Variants in KIF26B observed in about 807,000 individuals in gnomAD.
The protein encoded by KIF26B is kinesin-like protein KIF26B.
KIF26B carries 63 observed loss-of-function variants against 151.2 expected under a neutral mutation model. That is an observed-to-expected ratio of 0.42 (90% CI 0.34 to 0.51). The LOEUF (loss-of-function observed/expected upper bound fraction) is 0.51. KIF26B is among the 20% of genes least tolerant of loss of function. KIF26B has a pLI of 0.07. For missense variants in KIF26B, 2,813 were observed against 2,913.6 expected, an observed-to-expected ratio of 0.97 and a Z score of 0.79; for synonymous variants, 1,357 against 1,262.1, an observed-to-expected ratio of 1.08 and a Z score of -1.59.
rs374006300 is a variant in KIF26B at position 245,162,408 on chromosome 1, C to T, written c.465+5725C>T. 2.5e-3 allele frequency among the ~76,000 whole-genome samples: 250 copies of T among 99,534 alleles called. 1 individual carries two copies. Among genetic ancestry groups the T allele is most frequent in the African/African-American group, 9.7e-3 (226 of 23,394 alleles). The allele number at this position is 99,534 out of a possible 152,430, so 65.3% of individuals were successfully genotyped here. On this transcript the variant is annotated intron_variant, in intron 2 of 14. Coordinates refer to ENST00000407071, the MANE Select transcript of KIF26B (RefSeq NM_018012.4). ...TTTTTTTTTTTTTTTTTTTTTGAGA[C>T]GGAGTCTCGCTCTGTTGCCCAGGCT...
chr1:245,362,111 C>T (rs554572532), intron 2 of KIF26B, among the ~76,000 whole-genome samples: 57 of 149,046 alleles, frequency 3.8e-4, no homozygotes, highest in Middle Eastern at 3.4e-3. Flanking sequence ...GAGAGTCTCG[C>T]GGTGAGAAAT....
intron 4 of KIF26B, among the ~76,000 whole-genome samples, chr1:245,462,880 GAAT>G (rs752204073): frequency 1.4e-4 from 17 of 122,582 alleles, no homozygotes; most frequent in Non-Finnish European, 2.1e-4. Context: ...ATGAATGAAT[GAAT>G]AAGACCTGAA....
At chr1:245,691,201 G>C (rs6701023) in intron 12 of KIF26B, among the ~76,000 whole-genome samples, 90,862 of 152,034 alleles carry the variant, frequency 0.6, 29,151 homozygotes, top group Middle Eastern at 0.74. Flanking sequence ...GGTTACAGTG[G>C]AGTAAAGAGG....
chr1:245,643,762 C>G (rs1249423722), intron 9 of KIF26B, among the ~76,000 whole-genome samples: 1 of 151,996 alleles, frequency 6.6e-6, no homozygotes, highest in Non-Finnish European at 1.5e-5. Flanking sequence ...TGGAATGATA[C>G]TTTTGCTGGG....
At chr1:245,591,652 C>A (rs1159686969) in intron 5 of KIF26B, among the ~76,000 whole-genome samples, 2 of 152,312 alleles carry the variant, frequency 1.3e-5, no homozygotes, top group South Asian at 2.1e-4. Flanking sequence ...GCCTCAGAAT[C>A]CCATTCCCCA....
At chr1:245,639,215 C>T (rs1487219669) in intron 9 of KIF26B, among the ~76,000 whole-genome samples, 3 of 151,700 alleles carry the variant, frequency 2.0e-5, no homozygotes, top group Non-Finnish European at 4.4e-5. Context: ...TTATATGTTT[C>T]CAGGAATTTT....
chr1:245,438,855 T>C (rs928543523), intron 4 of KIF26B, among the ~76,000 whole-genome samples: 2 of 152,044 alleles, frequency 1.3e-5, no homozygotes, highest in Admixed American at 1.3e-4. Flanking sequence ...TAGAAACTAA[T>C]AGAGTGACAG....
intron 7 of KIF26B, among the ~76,000 whole-genome samples, chr1:245,608,488 T>C (rs2043481196): frequency 6.6e-6 from 1 of 152,152 alleles, no homozygotes; most frequent in Admixed American, 6.6e-5. Context: ...CCCTTTCTCT[T>C]GATCTTGATG....
intron 2 of KIF26B, among the ~76,000 whole-genome samples, chr1:245,249,489 ATTTTT>A (rs60378504): frequency 6.3e-5 from 5 of 79,792 alleles, no homozygotes; most frequent in Non-Finnish European, 7.5e-5. Flanking sequence ...GTGTTAATCT[ATTTTT>A]TTTTTTTTTT....
chr1:245,565,736 CT>C (rs1218235524), intron 5 of KIF26B, among the ~76,000 whole-genome samples: 2 of 152,154 alleles, frequency 1.3e-5, no homozygotes, highest in Admixed American at 6.5e-5. Flanking sequence ...ATTTCATTTA[CT>C]TATGTGGCCT....
chr1:245,432,511 C>G (rs990433817), intron 4 of KIF26B, among the ~76,000 whole-genome samples: 1 of 152,138 alleles, frequency 6.6e-6, no homozygotes, highest in Non-Finnish European at 1.5e-5. Flanking sequence ...CTAGCACAAA[C>G]AAAGTAGGGC....
At chr1:245,657,331 G>A (rs1003064345) in intron 10 of KIF26B, among the ~76,000 whole-genome samples, 3 of 152,124 alleles carry the variant, frequency 2.0e-5, no homozygotes, top group South Asian at 2.1e-4. Context: ...CTGAAATCGC[G>A]CGCTGAGAAC....
Position 245,366,982 on chromosome 1 carries a change from T to C in KIF26B, c.614T>C (p.Leu205Ser). ...KQEAIQMVLTLEQAAGSEHYD... is the reference protein window; with the variant it reads ...KQEAIQMVLTSEQAAGSEHYD... ...GAGGCCATCCAGATGGTGCTGACGT[T>C]GGAGCAGGCAGCCGGCAGTGAGCAC... The change falls in exon 3 of 15, where the codon TTG becomes TCG. Residue 205 changes from leucine to serine, a missense_variant. Physicochemically the swap from Leu to Ser is moderately radical, Grantham distance 145. Around this residue, in one of 3 missense-constraint regions of KIF26B, gnomAD observed 676 missense variants for 688.1 expected, o/e 0.98. Coordinates refer to ENST00000407071, the MANE Select transcript of KIF26B (RefSeq NM_018012.4). 2 of 1,613,966 alleles carry C rather than the reference T, an allele frequency of 1.2e-6. No homozygotes were observed. Among genetic ancestry groups the C allele is most frequent in the South Asian group, 1.1e-5 (1 of 91,080 alleles).
chr1:245,390,201 GTTAC>G (rs1189255313), intron 3 of KIF26B, among the ~76,000 whole-genome samples: 1 of 148,280 alleles, frequency 6.7e-6, no homozygotes, highest in Non-Finnish European at 1.5e-5. Flanking sequence ...GAAGTACAGT[GTTAC>G]TTGAGTTTAT....
At chr1:245,485,630 C>T (rs554991621) in intron 4 of KIF26B, among the ~76,000 whole-genome samples, 3 of 152,284 alleles carry the variant, frequency 2.0e-5, no homozygotes, top group East Asian at 3.9e-4. Flanking sequence ...GTGATCTGCC[C>T]GCCTCGGCCT....
intron 5 of KIF26B, among the ~76,000 whole-genome samples, chr1:245,596,169 T>C (rs924021145): frequency 1.3e-5 from 2 of 152,232 alleles, no homozygotes; most frequent in Admixed American, 1.3e-4. Flanking sequence ...TCAGTTCTGC[T>C]CTGATCTTAG....
At chr1:245,303,255 G>T (rs1254228218) in intron 2 of KIF26B, among the ~76,000 whole-genome samples, 1 of 141,790 alleles carries the variant, frequency 7.1e-6, no homozygotes, top group South Asian at 2.2e-4. Context: ...CCGGAGTGCA[G>T]TGGCGCGATC....
chr1:245,258,500 C>T (rs1670580057), intron 2 of KIF26B, among the ~76,000 whole-genome samples: 1 of 152,194 alleles, frequency 6.6e-6, no homozygotes, highest in East Asian at 1.9e-4. Flanking sequence ...AGGATCAAAG[C>T]TCATTCCTGG....
In KIF26B at chr1:245,520,041, A is replaced by G. The variant is rs147932355; in HGVS notation, c.1167-20726A>G. On this transcript the variant is annotated intron_variant, in intron 4 of 14. Coordinates refer to ENST00000407071, the MANE Select transcript of KIF26B (RefSeq NM_018012.4). Reference sequence around the variant, plus strand: ...TTGATTTAATTACCCTGAAAATATAATTTTGAAAAATATCTACATTTTTTA... The same window carrying G: ...TTGATTTAATTACCCTGAAAATATAGTTTTGAAAAATATCTACATTTTTTA... Among the ~76,000 whole-genome samples, 369 of 152,088 alleles carry G rather than the reference A, an allele frequency of 2.4e-3. 2 individuals are homozygous for G. Among genetic ancestry groups the G allele is most frequent in the African/African-American group, 8.0e-3 (332 of 41,516 alleles).
Sources: gnomAD v4.1 joint callset for allele counts (sites outside exome capture counted in the v4.1 genomes callset) on GRCh38, gnomAD v4.1.1 for gene constraint, gnomAD v4.1.1 regional missense constraint, MANE v1.5 for transcripts, NCBI Gene and HGNC (gene_info 2026-07-23, HGNC 2026-07-21) for gene names.